The following SCAND1 variants were observed in gnomAD, a reference collection of about 807,000 sequenced individuals.
SCAND1 encodes the protein SCAN domain containing 1.
Under a neutral mutation model 3.4 loss-of-function variants are expected in SCAND1, and 3 were observed. The observed-to-expected ratio is 0.87, with a 90% CI of 0.40 to 2.25. The LOEUF (loss-of-function observed/expected upper bound fraction) is 2.25. Among genes scored for constraint, SCAND1 ranks in the 30% most tolerant of loss-of-function variants. SCAND1 has a pLI of 0.05. For synonymous variants in SCAND1, 152 were observed against 120.5 expected, an observed-to-expected ratio of 1.26 and a Z score of -1.72; for missense variants, 303 against 258.8, an observed-to-expected ratio of 1.17 and a Z score of -1.17.
chr20:35,958,586 A>G (rs867090600), upstream of SCAND1, among the ~76,000 whole-genome samples: 2 of 152,332 alleles, frequency 1.3e-5, no homozygotes, highest in Middle Eastern at 3.4e-3. Context: ...GGAAATTGAC[A>G]TTGGTACAAT....
chr20:35,954,618 C>G (rs1370354983), upstream of SCAND1: 6 of 1,348,178 alleles, frequency 4.5e-6, no homozygotes, highest in Non-Finnish European at 5.8e-6. Flanking sequence ...GGAGGGCGAG[C>G]TGCGCGTGGC....
chr20:35,958,515 C>T (rs568183068), upstream of SCAND1, among the ~76,000 whole-genome samples: 2 of 152,146 alleles, frequency 1.3e-5, no homozygotes, highest in Non-Finnish European at 2.9e-5. Context: ...TTTCATGTAC[C>T]CTTCAGTCAG....
Position 35,953,852 on chromosome 20 carries a change from C to A in SCAND1, c.433G>T (p.Glu145Ter). The A allele has an allele frequency of 6.3e-7, 1 of 1,591,348 alleles. No individual in the cohort carries two copies. The highest frequency in any genetic ancestry group is 8.5e-7 in the Non-Finnish European group (1 of 1,171,246). ...QWLRPDIRTK[E>*]QIVEMLVQEQ... ...TGCACCAGCATCTCCACGATCTGCT[C>A]CTTGGTGCGGATGTCAGGCCGCAGC... is the stretch of plus-strand genomic sequence containing the variant. Residue 145 changes from glutamate (E) to a stop codon, truncating the protein, a stop_gained, in exon 2 of 2, where the codon GAG (glutamate) becomes TAG (stop). Coordinates refer to ENST00000305978, the MANE Select transcript of SCAND1 (RefSeq NM_033630.3). LOFTEE classifies it high-confidence loss of function.
rs2056213383 is a variant in SCAND1 at position 35,954,098 on chromosome 20, T to C, written c.187A>G (p.Thr63Ala). 2 of 1,538,382 alleles carry C rather than the reference T, an allele frequency of 1.3e-6. No individual in the cohort carries two copies. The highest frequency in any genetic ancestry group is 2.8e-5 in the African/African-American group (2 of 72,706). ...PNAAVPEAIP[T>A]PRAAASAALE... ...GCCGCGGAGGCCGCAGCTCGGGGCG[T>C]AGGGATGGCTTCAGGGACCGCGGCG... The change falls in exon 2 of 2, where the codon ACG becomes GCG. Residue 63 changes from threonine to alanine, a missense_variant. Coordinates refer to ENST00000305978, the MANE Select transcript of SCAND1 (RefSeq NM_033630.3).
chr20:35,958,818 A>G (rs555512598), upstream of SCAND1: 1 of 152,310 alleles, frequency 6.6e-6, no homozygotes, highest in East Asian at 1.9e-4. Flanking sequence ...CCACTAATCT[A>G]TTCTCCATGT....
At chr20:35,957,002 G>T (rs752761051), upstream of SCAND1, among the ~76,000 whole-genome samples, 1 of 152,146 alleles carries the variant, frequency 6.6e-6, no homozygotes, top group Non-Finnish European at 1.5e-5. Flanking sequence ...AGAATTCCAT[G>T]TTTAAAATTT....
chr20:35,953,797 G>T lies in SCAND1; in HGVS notation c.488C>A (p.Ala163Glu). ...GCGGCGGATCCGCCGGGCCCGAGCC[G>T]CCTCGGGCAGGATGGCGAGCAGCTG... ...QEQLLAILPE[A>E]ARARRIRRRT... Residue 163 changes from alanine to glutamate, a missense_variant, in exon 2 of 2, where the codon GCG becomes GAG. Physicochemically the swap from Ala to Glu is moderately radical, Grantham distance 107. Coordinates refer to ENST00000305978, the MANE Select transcript of SCAND1 (RefSeq NM_033630.3). 6.6e-7 allele frequency: 1 copy of T among 1,525,774 alleles called. No individual in the cohort carries two copies. Among genetic ancestry groups the T allele is most frequent in the East Asian group, 2.5e-5 (1 of 40,260 alleles). The allele number at this position is 1,525,774 out of a possible 1,614,324, so 94.5% of individuals were successfully genotyped here.
chr20:35,954,524 C>T, upstream of SCAND1: 2 of 1,524,418 alleles, frequency 1.3e-6, no homozygotes, highest in Non-Finnish European at 8.8e-7. Flanking sequence ...CGCGCGAGCA[C>T]CCGGAAGCCG....
upstream of SCAND1, chr20:35,954,556 C>T: frequency 1.3e-6 from 2 of 1,485,802 alleles, no homozygotes; most frequent in Non-Finnish European, 1.8e-6. Context: ...CCGGAAGCGG[C>T]GCCCTCTAGC....
chr20:35,954,458 G>T lies in SCAND1; in HGVS notation c.-66C>A. On this transcript the variant is annotated 5_prime_UTR_variant, in exon 1 of 2. Transcript: ENST00000305978. ...GTGTGCGGAGCTTACCTGCACCAGC[G>T]AAGCGCCTGCGGCAGCCGGAAGCGA... 6.5e-7 allele frequency: 1 copy of T among 1,548,684 alleles called. No homozygotes were observed. The highest frequency in any genetic ancestry group is 1.2e-5 in the South Asian group (1 of 83,278).
At chr20:35,954,389 G>A in intron 1 of SCAND1, 50 bp from the exon 2 acceptor site, 1 of 1,566,026 alleles carries the variant, frequency 6.4e-7, no homozygotes, top group Non-Finnish European at 8.7e-7. Context: ...AAAGGGCAGA[G>A]CTCGCGTCAC....
At chr20:35,956,319 T>C (rs1381498611), upstream of SCAND1, among the ~76,000 whole-genome samples, 1 of 152,080 alleles carries the variant, frequency 6.6e-6, no homozygotes, top group African/African-American at 2.4e-5. Flanking sequence ...CATGTAAAAA[T>C]TGGGAGATTT....
At chr20:35,958,117 A>G (rs6121104), upstream of SCAND1, among the ~76,000 whole-genome samples, 1,709 of 152,290 alleles carry the variant, frequency 0.011, 23 homozygotes, top group African/African-American at 0.038. Context: ...GAGCCATCAC[A>G]CTGGAGAATA....
Position 35,954,097 on chromosome 20 carries a change from G to A in SCAND1, c.188C>T (p.Thr63Met). The A allele has an allele frequency of 6.5e-7, 1 of 1,538,902 alleles. No homozygotes were observed. Among genetic ancestry groups the A allele is most frequent in the Non-Finnish European group, 8.8e-7 (1 of 1,138,870 alleles). ...PNAAVPEAIP[T>M]PRAAASAALE... ...GGCCGCGGAGGCCGCAGCTCGGGGCGTAGGGATGGCTTCAGGGACCGCGGC... is the reference window on the plus strand; with the variant it reads ...GGCCGCGGAGGCCGCAGCTCGGGGCATAGGGATGGCTTCAGGGACCGCGGC... The change falls in exon 2 of 2, where the codon ACG (threonine) becomes ATG (methionine). Residue 63 changes from threonine to methionine, a missense_variant. Transcript: ENST00000305978.
At position 35,954,154 on chromosome 20, in the gene SCAND1, G is replaced by C. The variant is rs1170802180; in HGVS notation, c.131C>G (p.Ser44Ter). 1.3e-6 allele frequency: 2 copies of C among 1,592,844 alleles called. No individual in the cohort carries two copies. The highest frequency in any genetic ancestry group is 1.7e-6 in the Non-Finnish European group (2 of 1,170,770). ...ACTGGAAGGCTCAGGGGCAGGCGGT[G>C]AGGCCTCTGGCAGCGAGGAGCCCAC... ...NCVGSSLPEA[S>*]PPAPEPSSPN... The change falls in exon 2 of 2, where the codon TCA becomes TGA. Residue 44 changes from serine (S) to a stop codon, truncating the protein, a stop_gained. Transcript: ENST00000305978. LOFTEE classifies it low-confidence loss of function (END_TRUNC).
At position 35,954,032 on chromosome 20, in the gene SCAND1, G is replaced by A; in HGVS notation, c.253C>T (p.Pro85Ser). The change falls in exon 2 of 2, where the codon CCT becomes TCT. Residue 85 changes from proline to serine, a missense_variant. Physicochemically the swap from Pro to Ser is moderately conservative, Grantham distance 74. Coordinates refer to ENST00000305978, the MANE Select transcript of SCAND1 (RefSeq NM_033630.3). The stretch of plus-strand genomic sequence containing the variant: ...GAGCGCGCTTCAGCTTCGGCCTGAG[G>A]CGCTACGCTCACGGGTGCGGGCCCG... The part of the protein sequence containing the change: ...PLGPAPVSVA[P>S]QAEAEARSTP... The A allele has an allele frequency of 6.5e-7, 1 of 1,543,874 alleles. No individual in the cohort carries two copies. The highest frequency in any genetic ancestry group is 8.7e-7 in the Non-Finnish European group (1 of 1,143,824).
In SCAND1 at chr20:35,953,683, G is replaced by T. The variant is rs868646374; in HGVS notation, c.*62C>A. The T allele has an allele frequency of 2.0e-5, 23 of 1,156,380 alleles. No homozygotes were observed. In the African/African-American group the frequency reaches 3.6e-4, roughly 18 times the overall value. 71.6% of individuals were successfully genotyped at this position (1,156,380 alleles called of 1,614,324 possible). On this transcript the variant is annotated 3_prime_UTR_variant, in exon 2 of 2. Transcript: ENST00000305978. Reference sequence around the variant, plus strand: ...GTGGGGTCCCAGGCTCAGGCCCCCGGGCCCGATCATGGCCCCAGTCCGCAC... The same window carrying T: ...GTGGGGTCCCAGGCTCAGGCCCCCGTGCCCGATCATGGCCCCAGTCCGCAC...
upstream of SCAND1, among the ~76,000 whole-genome samples, chr20:35,955,521 TAGG>T (rs2056247259): frequency 6.6e-6 from 1 of 152,178 alleles, no homozygotes; most frequent in Non-Finnish European, 1.5e-5. Flanking sequence ...TCAGAGTTGT[TAGG>T]AGGATTAAAT....
At position 35,954,431 on chromosome 20, in the gene SCAND1, G is replaced by A; in HGVS notation, c.-56+17C>T. On this transcript the variant is annotated intron_variant, in intron 1 of 1. Transcript: ENST00000305978. Reference sequence around the variant, plus strand: ...GGGAGTCGGACTCGGGACCGGCCGAGAGTGTGCGGAGCTTACCTGCACCAG... The same window carrying A: ...GGGAGTCGGACTCGGGACCGGCCGAAAGTGTGCGGAGCTTACCTGCACCAG... The A allele has an allele frequency of 6.5e-7, 1 of 1,550,188 alleles. No homozygotes were observed. Among genetic ancestry groups the A allele is most frequent in the Non-Finnish European group, 8.7e-7 (1 of 1,147,084 alleles).
Sources: allele counts gnomAD v4.1 joint callset (sites outside exome capture counted in the v4.1 genomes callset), GRCh38; gene constraint gnomAD v4.1.1; transcripts MANE v1.5; gene names NCBI Gene and HGNC (gene_info 2026-07-23, HGNC 2026-07-21).